LPP: variants seen among roughly 807,000 people sequenced by gnomAD.
LPP encodes LIM domain containing preferred translocation partner in lipoma.
Under a neutral mutation model 60.4 loss-of-function variants are expected in LPP, and 38 were observed. That is an observed-to-expected ratio of 0.63 (90% confidence interval 0.49 to 0.83). LPP has a LOEUF of 0.83. Ranked by LOEUF, LPP falls within the 40% of genes least tolerant of loss-of-function variation. The pLI is 0.00. For missense variants in LPP, 902 were observed against 783.6 expected (o/e 1.15, Z -1.80); for synonymous variants, 328 against 290.8 (o/e 1.13, Z -1.30).
At chr3:188,314,438 A>G (rs1351610545) in intron 2 of LPP, among the ~76,000 whole-genome samples, 1 of 152,112 alleles carries the variant, frequency 6.6e-6, no homozygotes, top group African/African-American at 2.4e-5. Context: ...TATGAATAAA[A>G]TTTTCAAACA....
rs1770764562 is a variant in LPP at position 188,887,050 on chromosome 3, G to GACA, written c.*12571_*12572insACA. ...AGAACTATTCTTGGTCATTATTGAT[G>GACA]TATTGTGTTGCCACTTTGTATGGTG... On this transcript the variant is annotated 3_prime_UTR_variant, in exon 12 of 12. Transcript: ENST00000617246. 4.3e-6 allele frequency: 1 copy of GACA among 230,704 alleles called. No homozygotes were observed. The highest frequency in any genetic ancestry group is 1.8e-4 in the South Asian group (1 of 5,502). 14.3% of individuals were successfully genotyped at this position (230,704 alleles called of 1,614,324 possible).
At chr3:188,596,571 G>A (rs757375484) in intron 6 of LPP, among the ~76,000 whole-genome samples, 5 of 151,830 alleles carry the variant, frequency 3.3e-5, no homozygotes, top group South Asian at 2.1e-4. Context: ...TCAAATCATC[G>A]TAATACAGTG....
At chr3:188,457,737 A>T (rs996044620) in intron 4 of LPP, among the ~76,000 whole-genome samples, 102 of 76,104 alleles carry the variant, frequency 1.3e-3, no homozygotes, top group Admixed American at 2.5e-3. Flanking sequence ...CTAAAAAAAA[A>T]AAATATATAT....
chr3:188,496,551 G>A (rs1035674849), intron 5 of LPP, among the ~76,000 whole-genome samples: 1 of 152,232 alleles, frequency 6.6e-6, no homozygotes, highest in African/African-American at 2.4e-5. Flanking sequence ...CTGGGGCTCT[G>A]AGGTTAAGCA....
chr3:188,577,849 C>CT, intron 6 of LPP, among the ~76,000 whole-genome samples: 1 of 133,712 alleles, frequency 7.5e-6, no homozygotes, highest in African/African-American at 2.8e-5. Flanking sequence ...CTTGCCCTTT[C>CT]TCTCTCTCTC....
At chr3:188,245,231 G>A (rs887398257) in intron 2 of LPP, among the ~76,000 whole-genome samples, 2 of 151,584 alleles carry the variant, frequency 1.3e-5, no homozygotes, top group Non-Finnish European at 2.9e-5. Context: ...TCCTGCCTCA[G>A]CCTCCCAAGT....
At chr3:188,331,004 C>A (rs1441039099) in intron 2 of LPP, among the ~76,000 whole-genome samples, 3 of 151,902 alleles carry the variant, frequency 2.0e-5, no homozygotes, top group Admixed American at 6.6e-5. Context: ...CTTATTTTTT[C>A]TTCCTGAGAC....
At chr3:188,252,750 A>G (rs1388642184) in intron 2 of LPP, among the ~76,000 whole-genome samples, 2 of 152,034 alleles carry the variant, frequency 1.3e-5, no homozygotes, top group African/African-American at 4.8e-5. Flanking sequence ...TTACCTGTTC[A>G]TGTCTTTTGC....
At chr3:188,184,685 C>CTTTTT (rs34173936) in intron 1 of LPP, among the ~76,000 whole-genome samples, 1 of 124,702 alleles carries the variant, frequency 8.0e-6, no homozygotes, top group Non-Finnish European at 1.7e-5. Context: ...CTCCGGTAAA[C>CTTTTT]TTTTTTTTTT....
intron 2 of LPP, among the ~76,000 whole-genome samples, chr3:188,283,008 C>T (rs913380772): frequency 6.6e-6 from 1 of 152,124 alleles, no homozygotes; most frequent in African/African-American, 2.4e-5. Flanking sequence ...AGGTCAAATG[C>T]AGTTAACCCA....
chr3:188,772,533 A>C lies in LPP; in HGVS notation c.1410+12251A>C, dbSNP rs534241493. ...TTTTTGAGACAGAGTCTCACTCTGT[A>C]GCCCAGGCTGGAGTGCAGTGGCGCC... On this transcript the variant is annotated intron_variant, in intron 9 of 11. Transcript: ENST00000617246. Among the ~76,000 whole-genome samples, 46 of 151,506 alleles carry C rather than the reference A, an allele frequency of 3.0e-4. 1 individual carries two copies. In the South Asian group the frequency reaches 9.4e-3, roughly 31 times the overall value.
chr3:188,433,974 G>A (rs2149185395), intron 4 of LPP, among the ~76,000 whole-genome samples: 1 of 152,260 alleles, frequency 6.6e-6, no homozygotes, highest in South Asian at 2.1e-4. Context: ...AAAGTGGGGA[G>A]GGTGAATGGT....
intron 5 of LPP, among the ~76,000 whole-genome samples, chr3:188,501,098 G>T (rs1413546994): frequency 6.6e-6 from 1 of 151,782 alleles, no homozygotes; most frequent in African/African-American, 2.4e-5. Flanking sequence ...TTTGGGTATG[G>T]TTTTTTCTTT....
At chr3:188,204,818 G>T (rs1732713170) in intron 1 of LPP, among the ~76,000 whole-genome samples, 1 of 152,170 alleles carries the variant, frequency 6.6e-6, no homozygotes, top group Non-Finnish European at 1.5e-5. Context: ...CCACAGTCTT[G>T]GGTGTCACTC....
At chr3:188,272,369 A>T (rs954324770) in intron 2 of LPP, among the ~76,000 whole-genome samples, 6 of 152,240 alleles carry the variant, frequency 3.9e-5, no homozygotes, top group African/African-American at 1.4e-4. Context: ...CTTTAACGGC[A>T]AACAGAACAA....
chr3:188,694,864 T>C (rs1204022338), intron 7 of LPP, among the ~76,000 whole-genome samples: 1 of 152,214 alleles, frequency 6.6e-6, no homozygotes, highest in East Asian at 1.9e-4. Flanking sequence ...TAAGAAAGGT[T>C]CTTTTGATAG....
intron 6 of LPP, among the ~76,000 whole-genome samples, chr3:188,581,515 C>G (rs1486430156): frequency 6.6e-6 from 1 of 152,152 alleles, no homozygotes; most frequent in Non-Finnish European, 1.5e-5. Context: ...CTTTTCTCCA[C>G]ATTGCTGTCA....
At chr3:188,728,261 C>G (rs536221384) in intron 8 of LPP, among the ~76,000 whole-genome samples, 1 of 152,140 alleles carries the variant, frequency 6.6e-6, no homozygotes, top group Non-Finnish European at 1.5e-5. Flanking sequence ...AATTACTGAT[C>G]TAGTCCAATC....
intron 2 of LPP, among the ~76,000 whole-genome samples, chr3:188,324,821 C>T (rs1757947684): frequency 1.3e-5 from 2 of 152,104 alleles, no homozygotes; most frequent in South Asian, 4.1e-4. Flanking sequence ...AGGTCCCTGA[C>T]TTATGATGGT....
Sources: gnomAD v4.1 joint callset for allele counts (sites outside exome capture counted in the v4.1 genomes callset) on GRCh38, gnomAD v4.1.1 for gene constraint, MANE v1.5 for transcripts, NCBI Gene and HGNC (gene_info 2026-07-23, HGNC 2026-07-21) for gene names.